The following ART3 variants were observed in gnomAD, a reference collection of about 807,000 sequenced individuals.
The protein encoded by ART3 is ADP-ribosyltransferase 3 (inactive).
In ART3, 49 loss-of-function variants were observed where a neutral mutation model predicts 48.5. The ratio of observed to expected loss-of-function variants is 1.01; its 90% CI spans 0.80 to 1.28. ART3 has a LOEUF of 1.28. ART3 is among the 50% of genes most tolerant of loss of function. The pLI is 0.00. For missense variants in ART3, 438 were observed against 454.3 expected (o/e 0.96, Z 0.33); for synonymous variants, 145 against 157.2 (o/e 0.92, Z 0.58).
chr4:76,081,815 C>T lies in ART3; in HGVS notation c.70-9C>T, dbSNP rs1364552625. ...ATTTCAAGAGTATTAATTTCTTTTT[C>T]CTTTGAAGGTGAAGGCTGAAGTGTT... On this transcript the variant is annotated splice_polypyrimidine_tract_variant and intron_variant, in intron 2 of 11. Transcript: ENST00000355810. 5.7e-6 allele frequency: 9 copies of T among 1,592,280 alleles called. No homozygotes were observed. In the Middle Eastern group the frequency reaches 8.4e-4, roughly 149 times the overall value.
chr4:76,030,013 C>T (rs1733729449), intron 1 of ART3, among the ~76,000 whole-genome samples: 1 of 152,186 alleles, frequency 6.6e-6, no homozygotes, highest in Admixed American at 6.5e-5. Flanking sequence ...GCTTTAAATT[C>T]AGACTCAAAT....
chr4:76,079,918 TCACA>T (rs58491679), intron 2 of ART3, among the ~76,000 whole-genome samples: 1 of 149,282 alleles, frequency 6.7e-6, no homozygotes, highest in Non-Finnish European at 1.5e-5. Flanking sequence ...TCTCTCTCTC[TCACA>T]CACACACACA....
intron 1 of ART3, among the ~76,000 whole-genome samples, chr4:76,068,684 G>A (rs561015187): frequency 1.3e-5 from 2 of 152,176 alleles, no homozygotes; most frequent in Admixed American, 1.3e-4. Flanking sequence ...TAACTGTTGT[G>A]TACTAGGCTT....
At chr4:76,072,841 C>T (rs1578415706), upstream of ART3, among the ~76,000 whole-genome samples, 1 of 152,080 alleles carries the variant, frequency 6.6e-6, no homozygotes. Context: ...ATTCTTGTCT[C>T]AGGGCTTTAG....
At chr4:76,092,808 A>C (rs1417547026) in intron 3 of ART3, among the ~76,000 whole-genome samples, 1 of 152,128 alleles carries the variant, frequency 6.6e-6, no homozygotes, top group Non-Finnish European at 1.5e-5. Context: ...ATGAAACTCT[A>C]ATGTTTCTTG....
chr4:76,096,888 T>C (rs1403661416), intron 3 of ART3, among the ~76,000 whole-genome samples: 4 of 152,248 alleles, frequency 2.6e-5, no homozygotes, highest in Non-Finnish European at 5.9e-5. Flanking sequence ...TAAAGGATGT[T>C]GAAGGTCTGA....
intron 1 of ART3, among the ~76,000 whole-genome samples, chr4:76,044,546 G>A (rs922710130): frequency 6.6e-6 from 1 of 151,924 alleles, no homozygotes; most frequent in Admixed American, 6.6e-5. Context: ...AAAGGAAAAG[G>A]GTACACTGTT....
In ART3 at chr4:76,082,171, C is replaced by G; in HGVS notation, c.417C>G (p.His139Gln). 1 of 1,614,220 alleles carries G rather than the reference C, an allele frequency of 6.2e-7. No homozygotes were observed. Among genetic ancestry groups the G allele is most frequent in the Non-Finnish European group, 8.5e-7 (1 of 1,180,032 alleles). The change falls in exon 3 of 12, where the codon CAC (histidine) becomes CAG (glutamine). Residue 139 changes from histidine (H) to glutamine (Q), a missense_variant. Around this residue, in one of 3 missense-constraint regions of ART3, gnomAD observed 206 missense variants for 205.3 expected, o/e 1.00. Coordinates refer to ENST00000355810, the MANE Select transcript of ART3 (RefSeq NM_001130016.3). Reference sequence around the variant, plus strand: ...ATGGCTTCCAGTTCAAAGCTTTCCACTTTTACCTCACAAGAGCCCTGCAGT... The same window carrying G: ...ATGGCTTCCAGTTCAAAGCTTTCCAGTTTTACCTCACAAGAGCCCTGCAGT... ...YIYGFQFKAFHFYLTRALQLL... is the reference protein window; with the variant it reads ...YIYGFQFKAFQFYLTRALQLL...
At chr4:76,070,511 A>G (rs958372990), upstream of ART3, among the ~76,000 whole-genome samples, 3 of 152,220 alleles carry the variant, frequency 2.0e-5, no homozygotes, top group Admixed American at 2.0e-4. Context: ...GCCCGTAATC[A>G]TTCAATAAAA....
chr4:76,052,991 A>T (rs929360193), intron 1 of ART3, among the ~76,000 whole-genome samples: 9 of 152,078 alleles, frequency 5.9e-5, no homozygotes, highest in African/African-American at 2.2e-4. Context: ...AGCCTCCCAA[A>T]ATGCTGGGAT....
intron 1 of ART3, among the ~76,000 whole-genome samples, chr4:76,047,506 G>A (rs183322832): frequency 7.9e-5 from 12 of 152,044 alleles, no homozygotes; most frequent in Admixed American, 1.3e-4. Context: ...ATAGCCGCTC[G>A]GGGAAGGCAG....
At chr4:76,059,794 A>T (rs1042336123) in intron 1 of ART3, among the ~76,000 whole-genome samples, 2 of 151,950 alleles carry the variant, frequency 1.3e-5, no homozygotes, top group South Asian at 2.1e-4. Context: ...GGCAAACTTT[A>T]TAAACACAAG....
chr4:76,048,847 G>A (rs572442764), intron 1 of ART3, among the ~76,000 whole-genome samples: 2 of 151,902 alleles, frequency 1.3e-5, no homozygotes, highest in East Asian at 3.9e-4. Flanking sequence ...TCAAAAACCT[G>A]TTAGAGTCCT....
intron 3 of ART3, among the ~76,000 whole-genome samples, chr4:76,090,046 C>G (rs778783604): frequency 1.3e-5 from 2 of 152,172 alleles, no homozygotes; most frequent in Non-Finnish European, 2.9e-5. Flanking sequence ...CGCCATTGCA[C>G]TCCAGCCTGG....
chr4:76,015,888 T>A (rs1732208448), intron 1 of ART3, among the ~76,000 whole-genome samples: 1 of 152,220 alleles, frequency 6.6e-6, no homozygotes, highest in Non-Finnish European at 1.5e-5. Context: ...CTTGGCCTCC[T>A]AGAGTGCTGG....
At chr4:76,015,365 T>C (rs1352993247) in intron 1 of ART3, among the ~76,000 whole-genome samples, 2 of 152,110 alleles carry the variant, frequency 1.3e-5, no homozygotes, top group Admixed American at 6.5e-5. Context: ...ATGTTACAAG[T>C]TTAGGATGTT....
At chr4:76,034,281 A>G (rs1000490673) in intron 1 of ART3, 21 of 396,648 alleles carry the variant, frequency 5.3e-5, no homozygotes, top group East Asian at 1.8e-4. Context: ...CTTTTGACTT[A>G]TAAGGGCTTG....
At chr4:76,026,839 G>A (rs1235168023) in intron 1 of ART3, among the ~76,000 whole-genome samples, 1 of 152,242 alleles carries the variant, frequency 6.6e-6, no homozygotes, top group East Asian at 1.9e-4. Context: ...TGCACTTTGT[G>A]TAGGGAACTA....
rs764184716 is a variant in ART3 at position 76,077,732 on chromosome 4, C to T, written c.69+1774C>T. The stretch of plus-strand genomic sequence containing the variant: ...GGGTGTACACCTAGTAGTGGAATTG[C>T]TGGGTTGTACGGTAATTTTATGTTA... On this transcript the variant is annotated intron_variant, in intron 2 of 11. Coordinates refer to ENST00000355810, the MANE Select transcript of ART3 (RefSeq NM_001130016.3). 2.6e-5 allele frequency among the ~76,000 whole-genome samples: 4 copies of T among 152,094 alleles called. No individual in the cohort carries two copies. In the South Asian group the frequency reaches 6.2e-4, roughly 24 times the overall value.
Sources: gnomAD v4.1 joint callset for allele counts (sites outside exome capture counted in the v4.1 genomes callset) on GRCh38, gnomAD v4.1.1 for gene constraint, gnomAD v4.1.1 regional missense constraint, MANE v1.5 for transcripts, NCBI Gene and HGNC (gene_info 2026-07-23, HGNC 2026-07-21) for gene names.